NSUN7: variants seen among roughly 807,000 people sequenced by gnomAD.
NSUN7 encodes the protein protein NSUN7.
NSUN7 carries 39 observed loss-of-function variants against 58.5 expected under a neutral mutation model. The ratio of observed to expected loss-of-function variants is 0.67; its 90% CI spans 0.52 to 0.87. NSUN7 has a LOEUF of 0.87. NSUN7 is among the 40% of genes least tolerant of loss of function. NSUN7 has a pLI of 0.00. For synonymous variants in NSUN7, 278 were observed against 303.7 expected (o/e 0.92, Z 0.88); for missense variants, 765 against 844.1 (o/e 0.91, Z 1.16).
chr4:40,800,110 T>TAAGA (rs1256421970), intron 10 of NSUN7, among the ~76,000 whole-genome samples: 13 of 152,310 alleles, frequency 8.5e-5, no homozygotes, highest in Non-Finnish European at 1.5e-4. Flanking sequence ...CATTCACTCT[T>TAAGA]ATAAACCTGT....
chr4:40,808,734 T>C lies in NSUN7; in HGVS notation c.1952T>C (p.Ile651Thr). Residue 651 changes from isoleucine (I) to threonine (T), a missense_variant, in exon 12 of 12, where the codon ATT (isoleucine) becomes ACT (threonine). Physicochemically the swap from Ile to Thr is moderately conservative, Grantham distance 89. Coordinates refer to ENST00000381782, the MANE Select transcript of NSUN7 (RefSeq NM_024677.6). ...ATGGTTGCTCTGAAACCCATCAAGATTGTTCTGCCTCCAGTCTTTATGCCA... is the reference window on the plus strand; with the variant it reads ...ATGGTTGCTCTGAAACCCATCAAGACTGTTCTGCCTCCAGTCTTTATGCCA... ...DRMVALKPIK[I>T]VLPPVFMPFS... 3 of 1,550,204 alleles carry C rather than the reference T, an allele frequency of 1.9e-6. No homozygotes were observed. Among genetic ancestry groups the C allele is most frequent in the Non-Finnish European group, 2.6e-6 (3 of 1,146,732 alleles).
chr4:40,791,573 C>G (rs994853493), intron 8 of NSUN7, among the ~76,000 whole-genome samples: 1 of 152,112 alleles, frequency 6.6e-6, no homozygotes, highest in Non-Finnish European at 1.5e-5. Context: ...TTTAATGACT[C>G]TCTTAATCAC....
chr4:40,806,961 G>T, intron 10 of NSUN7, 100 bp from the exon 11 acceptor site: 1 of 1,225,614 alleles, frequency 8.2e-7, no homozygotes, highest in Non-Finnish European at 1.1e-6. Flanking sequence ...TTAAACGATT[G>T]GTAAAGTATA....
intron 9 of NSUN7, among the ~76,000 whole-genome samples, chr4:40,797,887 GCTCTGATCAAACCGGCCC>G (rs2154289023): frequency 6.6e-6 from 1 of 152,250 alleles, no homozygotes; most frequent in African/African-American, 2.4e-5. Flanking sequence ...CATTCCCTCT[GCTCTGATCAAACCGGCCC>G]CTTCACTTTC....
rs532432342 is a variant in NSUN7, at chr4:40,792,671, A to G, written c.1181-1704A>G. 2.0e-5 allele frequency among the ~76,000 whole-genome samples: 3 copies of G among 152,164 alleles called. No homozygotes were observed. The South Asian group carries it at 6.2e-4, about 32-fold the overall frequency. Reference sequence around the variant, plus strand: ...GAGGCTGAGGCAGGAGAATGGCTTGAACCCCGGGGGGCGGAGCCTGCAGTG... The same window carrying G: ...GAGGCTGAGGCAGGAGAATGGCTTGGACCCCGGGGGGCGGAGCCTGCAGTG... On this transcript the variant is annotated intron_variant, in intron 8 of 11. Transcript: ENST00000381782.
chr4:40,760,455 T>G lies in NSUN7; in HGVS notation c.320T>G (p.Ile107Arg). The change falls in exon 3 of 12, where the codon ATA (isoleucine) becomes AGA (arginine). Residue 107 changes from isoleucine to arginine, a missense_variant. Transcript: ENST00000381782. The part of the protein sequence containing the change: ...ALKYQDILET[I>R]LIDSCIFPST... ...GCAGATCAAGATATTTTGGAAACTA[T>G]ATTGATAGACAGCTGTATCTTCCCA... is the stretch of plus-strand genomic sequence containing the variant. 6.2e-7 allele frequency: 1 copy of G among 1,610,632 alleles called. No individual in the cohort carries two copies. The highest frequency in any genetic ancestry group is 8.5e-7 in the Non-Finnish European group (1 of 1,178,052).
Position 40,810,408 on chromosome 4 carries a change from T to C in NSUN7, c.*1469T>C, listed in dbSNP as rs547137125. On this transcript the variant is annotated 3_prime_UTR_variant, in exon 12 of 12. Coordinates refer to ENST00000381782, the MANE Select transcript of NSUN7 (RefSeq NM_024677.6). ...AACATGGCGAAACCCCAAAACCCCATCTCTACAAAAAATACAAAAATTAGC... is the reference window on the plus strand; with the variant it reads ...AACATGGCGAAACCCCAAAACCCCACCTCTACAAAAAATACAAAAATTAGC... The C allele has an allele frequency of 6.6e-6, 1 of 151,436 alleles. No individual in the cohort carries two copies. Among genetic ancestry groups the C allele is most frequent in the Non-Finnish European group, 1.5e-5 (1 of 67,878 alleles). 9.4% of individuals were successfully genotyped at this position (151,436 alleles called of 1,614,324 possible). A position where few individuals can be genotyped will look rare whatever the true frequency, so the allele number is the denominator to read the frequency against.
chr4:40,785,618 C>T (rs1742780239), intron 7 of NSUN7, among the ~76,000 whole-genome samples: 1 of 152,206 alleles, frequency 6.6e-6, no homozygotes, highest in African/African-American at 2.4e-5. Flanking sequence ...GCCTCGGCCT[C>T]CCAAAGTGCT....
chr4:40,802,103 T>C (rs1743612268), intron 10 of NSUN7, among the ~76,000 whole-genome samples: 1 of 152,176 alleles, frequency 6.6e-6, no homozygotes, highest in Non-Finnish European at 1.5e-5. Context: ...AGTTTTCTGC[T>C]GTTTATTTTG....
At chr4:40,780,811 ATATTT>A (rs1338445030) in intron 7 of NSUN7, among the ~76,000 whole-genome samples, 5 of 94,104 alleles carry the variant, frequency 5.3e-5, no homozygotes, top group African/African-American at 1.7e-4. Flanking sequence ...ATATATATAT[ATATTT>A]TTTTTTTTTT....
At chr4:40,759,262 G>A (rs1440119079) in intron 2 of NSUN7, among the ~76,000 whole-genome samples, 1 of 152,160 alleles carries the variant, frequency 6.6e-6, no homozygotes, top group Admixed American at 6.5e-5. Flanking sequence ...AGTGAACCGA[G>A]ATTGTGCCAC....
At chr4:40,798,965 T>A (rs1455008166) in intron 10 of NSUN7, 61 bp downstream of exon 10, 1 of 834,948 alleles carries the variant, frequency 1.2e-6, no homozygotes, top group African/African-American at 1.8e-5. Context: ...AGGAAAAATA[T>A]TATTTTCTAA....
chr4:40,808,168 T>G, intron 11 of NSUN7, 139 bp from the exon 12 acceptor site: 1 of 954,866 alleles, frequency 1.0e-6, no homozygotes, highest in Non-Finnish European at 1.5e-6. Context: ...GATTGGGGAC[T>G]AAGGCCTAAA....
At chr4:40,795,129 G>A (rs1223282191) in intron 9 of NSUN7, among the ~76,000 whole-genome samples, 1 of 152,118 alleles carries the variant, frequency 6.6e-6, no homozygotes, top group Non-Finnish European at 1.5e-5. Flanking sequence ...CTGTATGTAA[G>A]GTGTATCAGT....
rs145847964 is a variant in NSUN7 at position 40,810,273 on chromosome 4, T to G, written c.*1334T>G. On this transcript the variant is annotated 3_prime_UTR_variant, in exon 12 of 12. Coordinates refer to ENST00000381782, the MANE Select transcript of NSUN7 (RefSeq NM_024677.6). ...TTTAGCTTAGATTTACATTTATCAG[T>G]AAAACGTGTCAGTGGGCTGGGTGCA... The G allele has an allele frequency of 3.0e-4, 46 of 152,180 alleles. No individual in the cohort carries two copies. Among genetic ancestry groups the G allele is most frequent in the African/African-American group, 1.0e-3 (43 of 41,526 alleles). 9.4% of individuals were successfully genotyped at this position (152,180 alleles called of 1,614,324 possible). A position where few individuals can be genotyped will look rare whatever the true frequency, so the allele number is the denominator to read the frequency against.
intron 10 of NSUN7, among the ~76,000 whole-genome samples, chr4:40,804,272 TCTACTAAAAATAAAAAA>T (rs2154289448): frequency 6.6e-6 from 1 of 151,988 alleles, no homozygotes; most frequent in South Asian, 2.1e-4. Context: ...AAACCCCGTC[TCTACTAAAAATAAAAAA>T]ATTAGCCAGG....
At position 40,796,399 on chromosome 4, in the gene NSUN7, G is replaced by A. The variant is rs75099604; in HGVS notation, c.1282+1923G>A. On this transcript the variant is annotated intron_variant, in intron 9 of 11. Coordinates refer to ENST00000381782, the MANE Select transcript of NSUN7 (RefSeq NM_024677.6). ...CTCATGTCTGAAATCCCAGTGCTTGGGAGGTCAACATGGTAGGATCACTTC... is the reference window on the plus strand; with the variant it reads ...CTCATGTCTGAAATCCCAGTGCTTGAGAGGTCAACATGGTAGGATCACTTC... Among the ~76,000 whole-genome samples the A allele has an allele frequency of 1.3e-3, 202 of 152,084 alleles. 2 individuals carry two copies. In the East Asian group the frequency reaches 0.02, roughly 15 times the overall value.
intron 7 of NSUN7, among the ~76,000 whole-genome samples, chr4:40,787,426 C>T (rs937860793): frequency 6.6e-6 from 1 of 150,888 alleles, no homozygotes; most frequent in Non-Finnish European, 1.5e-5. Context: ...AGAAAAAGAA[C>T]ATAAAACAAT....
chr4:40,782,278 T>C (rs550822138), intron 7 of NSUN7, among the ~76,000 whole-genome samples: 2 of 152,110 alleles, frequency 1.3e-5, no homozygotes, highest in South Asian at 4.1e-4. Context: ...AACTACAAAA[T>C]ATCACTTAAA....
Sources: allele counts gnomAD v4.1 joint callset (sites outside exome capture counted in the v4.1 genomes callset), GRCh38; gene constraint gnomAD v4.1.1; transcripts MANE v1.5; gene names NCBI Gene and HGNC (gene_info 2026-07-23, HGNC 2026-07-21).